TSPEAR: variants seen among roughly 807,000 people sequenced by gnomAD.
The protein encoded by TSPEAR is thrombospondin type laminin G domain and EAR repeats.
A neutral mutation model predicts 71.6 loss-of-function variants in TSPEAR; 69 were observed. The observed-to-expected ratio is 0.96, with a 90% confidence interval of 0.79 to 1.18. The LOEUF (loss-of-function observed/expected upper bound fraction) is 1.18. Among genes scored for constraint, TSPEAR ranks in the 50% most tolerant of loss-of-function variants. The pLI, the probability that TSPEAR is intolerant of heterozygous loss-of-function variation, is 0.00. For missense variants in TSPEAR, 971 were observed against 894.9 expected (o/e 1.09, Z -1.09); for synonymous variants, 402 against 387.2 (o/e 1.04, Z -0.45).
At chr21:44,671,433 T>C (rs1170985518) in intron 1 of TSPEAR, among the ~76,000 whole-genome samples, 1 of 152,068 alleles carries the variant, frequency 6.6e-6, no homozygotes, top group Non-Finnish European at 1.5e-5. Context: ...CAGCATATGC[T>C]ACTCAGGGGC....
In TSPEAR at chr21:44,636,013, T is replaced by G. The variant is rs587742164; in HGVS notation, c.83-68008A>C. Among the ~76,000 whole-genome samples, 4 of 152,330 alleles carry G rather than the reference T, an allele frequency of 2.6e-5. No individual in the cohort carries two copies. In the South Asian group the frequency reaches 8.3e-4, roughly 32 times the overall value. On this transcript the variant is annotated intron_variant, in intron 1 of 11. Transcript: ENST00000323084. ...CATGCTTATTGGAAATTTAAAATTT[T>G]TAGTCTTCTATTCATTTCTTTTGTA... is the stretch of plus-strand genomic sequence containing the variant.
chr21:44,541,660 A>G (rs2053225601), intron 2 of TSPEAR, among the ~76,000 whole-genome samples: 2 of 152,350 alleles, frequency 1.3e-5, no homozygotes, highest in East Asian at 1.9e-4. Context: ...GAAAAAAACC[A>G]CAGAGTTCAG....
intron 2 of TSPEAR, chr21:44,540,206 CAGTG>C (rs1870541416): frequency 5.0e-6 from 8 of 1,587,616 alleles, no homozygotes; most frequent in South Asian, 2.4e-5. Flanking sequence ...GTGTGGGAGT[CAGTG>C]TGTGTGTGAG....
Position 44,683,573 on chromosome 21 carries a change from G to A in TSPEAR, c.82+27860C>T, listed in dbSNP as rs150953350. Among the ~76,000 whole-genome samples the A allele has an allele frequency of 8.5e-5, 13 of 152,246 alleles. 1 individual carries two copies. In the East Asian group the frequency reaches 2.5e-3, roughly 29 times the overall value. The stretch of plus-strand genomic sequence containing the variant: ...GGTCCCAGCTACACGGTAGGTTGAG[G>A]CAGGAGGGTCTATTGAGCCTGGGAG... On this transcript the variant is annotated intron_variant, in intron 1 of 11. Transcript: ENST00000323084.
chr21:44,529,144 G>A (rs1031764576), intron 5 of TSPEAR, among the ~76,000 whole-genome samples: 2 of 152,210 alleles, frequency 1.3e-5, no homozygotes, highest in Non-Finnish European at 2.9e-5. Context: ...CCCCTACTTG[G>A]TAACCGCTAA....
At chr21:44,600,910 C>A (rs587743866) in intron 1 of TSPEAR, 1 of 1,611,708 alleles carries the variant, frequency 6.2e-7, no homozygotes, top group African/African-American at 1.4e-5. Context: ...TAGCTGCCAG[C>A]TGGCTTGCTG....
At chr21:44,579,688 C>T in intron 1 of TSPEAR, 1 of 1,551,004 alleles carries the variant, frequency 6.4e-7, no homozygotes, top group Non-Finnish European at 8.7e-7. Context: ...GGGCAACCTC[C>T]TAACCCGAGT....
At chr21:44,681,259 C>T (rs553728568) in intron 1 of TSPEAR, among the ~76,000 whole-genome samples, 4 of 152,336 alleles carry the variant, frequency 2.6e-5, no homozygotes, top group Admixed American at 2.0e-4. Flanking sequence ...TGGGAAAGCC[C>T]GATCCTCAGT....
intron 1 of TSPEAR, among the ~76,000 whole-genome samples, chr21:44,589,827 G>A (rs587619139): frequency 1.3e-5 from 2 of 152,364 alleles, no homozygotes; most frequent in South Asian, 4.1e-4. Context: ...GCATAGTGAG[G>A]TGGGTGGGGC....
rs781816692 is a variant in TSPEAR, at chr21:44,525,624, T to C, written c.1336+29A>G. 1.4e-5 allele frequency: 23 copies of C among 1,609,684 alleles called. No homozygotes were observed. In the South Asian group the frequency reaches 2.5e-4, roughly 18 times the overall value. On this transcript the variant is annotated intron_variant, in intron 8 of 11. Transcript: ENST00000323084. ...TCGCTCTGCCCCTGGAATGGTTGCC[T>C]CCCGGTGTGAAGGCCACTCCTGCCC... is the stretch of plus-strand genomic sequence containing the variant.
At position 44,506,081 on chromosome 21, in the gene TSPEAR, C is replaced by G. The variant is rs2145914506; in HGVS notation, c.1755-1200G>C. Reference sequence around the variant, plus strand: ...GCCGTGAGGTCACTCCAGGAGGTGCCTACAGGACCTGCAGGACCTGCTCGT... The same window carrying G: ...GCCGTGAGGTCACTCCAGGAGGTGCGTACAGGACCTGCAGGACCTGCTCGT... On this transcript the variant is annotated intron_variant, in intron 10 of 11. Coordinates refer to ENST00000323084, the MANE Select transcript of TSPEAR (RefSeq NM_144991.3). The surrounding 1 kb of genome is among the most constrained non-coding windows in gnomAD (Gnocchi z 4.2). Among the ~76,000 whole-genome samples, 1 of 152,322 alleles carries G rather than the reference C, an allele frequency of 6.6e-6. No homozygotes were observed. The highest frequency in any genetic ancestry group is 1.5e-5 in the Non-Finnish European group (1 of 68,036).
chr21:44,538,018 AG>A (rs1379960140), intron 2 of TSPEAR, among the ~76,000 whole-genome samples: 23 of 152,124 alleles, frequency 1.5e-4, no homozygotes, highest in Non-Finnish European at 2.6e-4. Context: ...CCCGCCCCCC[AG>A]GCTCCACCTC....
At chr21:44,530,843 G>A (rs1555915658) in intron 4 of TSPEAR, among the ~76,000 whole-genome samples, 200 bp downstream of exon 4, 1 of 152,220 alleles carries the variant, frequency 6.6e-6, no homozygotes, top group African/African-American at 2.4e-5. Flanking sequence ...GTTGGGCAGG[G>A]ACCCAAGACC....
intron 1 of TSPEAR, among the ~76,000 whole-genome samples, chr21:44,653,106 T>G (rs774171674): frequency 3.2e-4 from 49 of 151,954 alleles, no homozygotes; most frequent in Non-Finnish European, 6.5e-4. Flanking sequence ...TGCAGTGAGC[T>G]GAGATCACGC....
rs910731534 is a variant in TSPEAR, at chr21:44,710,703, A to G, written c.82+730T>C. Among the ~76,000 whole-genome samples, 11 of 152,216 alleles carry G rather than the reference A, an allele frequency of 7.2e-5. No individual in the cohort carries two copies. Among genetic ancestry groups the G allele is most frequent in the African/African-American group, 2.7e-4 (11 of 41,450 alleles). On this transcript the variant is annotated intron_variant, in intron 1 of 11. Transcript: ENST00000323084. The surrounding 1 kb of genome is among the most constrained non-coding windows in gnomAD (Gnocchi z 4.6). ...AACTGAGTTTCTAGCGACCAGGTCT[A>G]GTTGTCGTGTTACTTTATTAAATTT...
intron 1 of TSPEAR, among the ~76,000 whole-genome samples, chr21:44,583,684 G>A (rs1231653642): frequency 6.6e-6 from 1 of 152,104 alleles, no homozygotes; most frequent in Non-Finnish European, 1.5e-5. Context: ...AGTGATCTAA[G>A]ATATACATTA....
intron 9 of TSPEAR, chr21:44,518,171 A>AAGAC: frequency 2.6e-6 from 1 of 379,782 alleles, no homozygotes; most frequent in Non-Finnish European, 5.3e-6. Flanking sequence ...AATACTTCTG[A>AAGAC]AGACAAGTAT....
At chr21:44,552,008 CAGG>C (rs2053450054) in intron 2 of TSPEAR, among the ~76,000 whole-genome samples, 1 of 152,210 alleles carries the variant, frequency 6.6e-6, no homozygotes, top group Non-Finnish European at 1.5e-5. Context: ...CTGCCAAGAG[CAGG>C]AGGACAGGGA....
chr21:44,522,847 C>G (rs913500231), intron 8 of TSPEAR, among the ~76,000 whole-genome samples: 17 of 152,246 alleles, frequency 1.1e-4, no homozygotes, highest in African/African-American at 3.9e-4. Flanking sequence ...ATGCCAGGCA[C>G]CAGGCCAGCA....
Sources: allele counts gnomAD v4.1 joint callset (sites outside exome capture counted in the v4.1 genomes callset), GRCh38; gene constraint gnomAD v4.1.1; non-coding constraint Gnocchi (gnomAD v3.1); transcripts MANE v1.5; gene names NCBI Gene and HGNC (gene_info 2026-07-23, HGNC 2026-07-21).